Variants in PANK3 observed in about 807,000 individuals in gnomAD.
PANK3 encodes pantothenate kinase 3.
PANK3 carries 20 observed loss-of-function variants against 39.4 expected under a neutral mutation model. The observed-to-expected ratio is 0.51, with a 90% CI of 0.36 to 0.74. PANK3 has a LOEUF of 0.74. Ranked by LOEUF, PANK3 falls within the 30% of genes least tolerant of loss-of-function variation. The pLI is 0.00. For missense variants in PANK3, 265 were observed against 437.0 expected, an observed-to-expected ratio of 0.61 and a Z score of 3.51; for synonymous variants, 140 against 157.3, an observed-to-expected ratio of 0.89 and a Z score of 0.82.
At chr5:168,570,258 G>A (rs1759605274) in intron 1 of PANK3, among the ~76,000 whole-genome samples, 1 of 151,746 alleles carries the variant, frequency 6.6e-6, no homozygotes, top group Non-Finnish European at 1.5e-5. Flanking sequence ...GGTGGCAGGC[G>A]CCTGTAGTCC....
rs923097468 is a variant in PANK3 at position 168,557,362 on chromosome 5, G to C, written c.*209C>G. 2 of 542,066 alleles carry C rather than the reference G, an allele frequency of 3.7e-6. No homozygotes were observed. Among genetic ancestry groups the C allele is most frequent in the African/African-American group, 3.8e-5 (2 of 52,662 alleles). 33.6% of individuals were successfully genotyped at this position (542,066 alleles called of 1,614,324 possible). On this transcript the variant is annotated 3_prime_UTR_variant, in exon 7 of 7. Transcript: ENST00000239231. Reference sequence around the variant, plus strand: ...TAATCAGAGGCTGTATTGCATTTAAGGATTTAACACTGGCTATATACAAAA... The same window carrying C: ...TAATCAGAGGCTGTATTGCATTTAACGATTTAACACTGGCTATATACAAAA...
intron 2 of PANK3, among the ~76,000 whole-genome samples, chr5:168,567,840 C>G (rs953904614): frequency 2.0e-5 from 3 of 152,084 alleles, no homozygotes; most frequent in Non-Finnish European, 2.9e-5. Flanking sequence ...GGCTGGTCTC[C>G]AACTCCTAGC....
At chr5:168,569,313 T>C (rs1260239487) in intron 1 of PANK3, among the ~76,000 whole-genome samples, 1 of 149,588 alleles carries the variant, frequency 6.7e-6, no homozygotes, top group Non-Finnish European at 1.5e-5. Context: ...GCCTCCCGAG[T>C]AGCTGGGACT....
chr5:168,557,062 A>G lies in PANK3; in HGVS notation c.*509T>C, dbSNP rs1362558912. On this transcript the variant is annotated 3_prime_UTR_variant, in exon 7 of 7. Transcript: ENST00000239231. ...CATACATGCTTTGGGTGATACGTTAAAAAAACCTACAATAATTAGTAGTAT... is the reference window on the plus strand; with the variant it reads ...CATACATGCTTTGGGTGATACGTTAGAAAAACCTACAATAATTAGTAGTAT... 10 of 152,860 alleles carry G rather than the reference A, an allele frequency of 6.5e-5. No individual in the cohort carries two copies. The highest frequency in any genetic ancestry group is 6.5e-4 in the Admixed American group (10 of 15,318). 9.5% of individuals were successfully genotyped at this position (152,860 alleles called of 1,614,324 possible).
At position 168,557,499 on chromosome 5, in the gene PANK3, A is replaced by G; in HGVS notation, c.*72T>C. On this transcript the variant is annotated 3_prime_UTR_variant, in exon 7 of 7. Coordinates refer to ENST00000239231, the MANE Select transcript of PANK3 (RefSeq NM_024594.4). Reference sequence around the variant, plus strand: ...ATCCTTTGGTTCCCAGTGACAAACAATGCAGTAATAATGCCTCTGGTTTTA... The same window carrying G: ...ATCCTTTGGTTCCCAGTGACAAACAGTGCAGTAATAATGCCTCTGGTTTTA... 7.5e-7 allele frequency: 1 copy of G among 1,337,624 alleles called. No individual in the cohort carries two copies. 82.9% of individuals were successfully genotyped at this position (1,337,624 alleles called of 1,614,324 possible).
At chr5:168,572,431 T>C (rs539451148) in intron 1 of PANK3, among the ~76,000 whole-genome samples, 63 of 151,952 alleles carry the variant, frequency 4.1e-4, no homozygotes, top group Non-Finnish European at 7.5e-4. Context: ...CAAAGGGTGG[T>C]GGGATTATCA....
Position 168,576,963 on chromosome 5 carries a change from T to C in PANK3, c.28+2293A>G, listed in dbSNP as rs999733165. Among the ~76,000 whole-genome samples the C allele has an allele frequency of 4.2e-4, 64 of 152,010 alleles. 1 individual carries two copies. Among genetic ancestry groups the C allele is most frequent in the Non-Finnish European group, 1.5e-5 (1 of 67,998 alleles). On this transcript the variant is annotated intron_variant, in intron 1 of 6. Coordinates refer to ENST00000239231, the MANE Select transcript of PANK3 (RefSeq NM_024594.4). The stretch of plus-strand genomic sequence containing the variant: ...GGCGTGATCTCGGCTCCCTGTAACC[T>C]CCGCCTCCTGGGTTCCAGCAATTCT...
chr5:168,564,113 C>T (rs765405094), intron 3 of PANK3, 48 bp from the exon 4 acceptor site: 2 of 1,459,686 alleles, frequency 1.4e-6, no homozygotes, highest in East Asian at 2.4e-5. Context: ...ACATTATATT[C>T]TTTCTCTAAA....
At chr5:168,558,532 T>C (rs1007215171) in intron 6 of PANK3, among the ~76,000 whole-genome samples, 1 of 152,312 alleles carries the variant, frequency 6.6e-6, no homozygotes, top group African/African-American at 2.4e-5. Flanking sequence ...ATACAGCCAT[T>C]TGACTTTGAT....
intron 6 of PANK3, among the ~76,000 whole-genome samples, chr5:168,558,119 G>GTATTGTGT (rs1327426135): frequency 7.0e-6 from 1 of 142,026 alleles, no homozygotes; most frequent in African/African-American, 2.6e-5. Flanking sequence ...ATTCTGATTT[G>GTATTGTGT]TATTGTGTGA....
At chr5:168,565,559 A>G (rs1759510941) in intron 3 of PANK3, among the ~76,000 whole-genome samples, 1 of 152,150 alleles carries the variant, frequency 6.6e-6, no homozygotes. Context: ...TCAATAGAAC[A>G]CTGTTGCTTC....
chr5:168,567,521 T>G (rs974425368), intron 2 of PANK3, among the ~76,000 whole-genome samples: 1 of 152,226 alleles, frequency 6.6e-6, no homozygotes, highest in Non-Finnish European at 1.5e-5. Context: ...ACTCTCTAGC[T>G]GTTGTTACTC....
chr5:168,571,698 T>C (rs1045201879), intron 1 of PANK3, among the ~76,000 whole-genome samples: 1 of 152,208 alleles, frequency 6.6e-6, no homozygotes, highest in Non-Finnish European at 1.5e-5. Context: ...CAGGAACATA[T>C]AATTCAATGA....
intron 1 of PANK3, among the ~76,000 whole-genome samples, chr5:168,572,866 C>T (rs917181616): frequency 6.6e-6 from 1 of 152,016 alleles, no homozygotes; most frequent in South Asian, 2.1e-4. Flanking sequence ...AGGGCTGCTT[C>T]GAGTGGGATT....
At chr5:168,569,932 G>A (rs1200747183) in intron 1 of PANK3, among the ~76,000 whole-genome samples, 1 of 152,104 alleles carries the variant, frequency 6.6e-6, no homozygotes, top group Non-Finnish European at 1.5e-5. Flanking sequence ...TGCACCTGTA[G>A]TCCCAGTTAC....
rs1561837160 is a variant in PANK3, at chr5:168,551,037, T to C, written c.*6534A>G. The C allele has an allele frequency of 6.6e-6, 1 of 152,208 alleles. No individual in the cohort carries two copies. The highest frequency in any genetic ancestry group is 1.5e-5 in the Non-Finnish European group (1 of 68,014). 9.4% of individuals were successfully genotyped at this position (152,208 alleles called of 1,614,324 possible). On this transcript the variant is annotated 3_prime_UTR_variant, in exon 7 of 7. Transcript: ENST00000239231. ...AGATATGTCAGAAAAGCTGGGATGA[T>C]TGATTTTCACACCACCATTATCGTG...
intron 5 of PANK3, 43 bp from the exon 6 acceptor site, chr5:168,559,200 T>C (rs767135319): frequency 2.4e-6 from 3 of 1,264,018 alleles, no homozygotes; most frequent in Non-Finnish European, 3.2e-6. Flanking sequence ...AAATAATAGA[T>C]TTTACAATAT....
At chr5:168,562,512 A>G (rs1759463450) in intron 4 of PANK3, among the ~76,000 whole-genome samples, 1 of 152,220 alleles carries the variant, frequency 6.6e-6, no homozygotes, top group African/African-American at 2.4e-5. Flanking sequence ...CCACTATCAA[A>G]GGGCACTGGA....
At chr5:168,565,885 A>ATATATATATTTTTT (rs1441027360) in intron 3 of PANK3, 128 bp downstream of exon 3, 1 of 192,936 alleles carries the variant, frequency 5.2e-6, no homozygotes, top group South Asian at 1.6e-4. Context: ...ATATATATAT[A>ATATATATATTTTTT]TTTTTTTTTT....
Sources: allele counts gnomAD v4.1 joint callset (sites outside exome capture counted in the v4.1 genomes callset), GRCh38; gene constraint gnomAD v4.1.1; transcripts MANE v1.5; gene names NCBI Gene and HGNC (gene_info 2026-07-23, HGNC 2026-07-21).